The following TMEM176B variants were observed in gnomAD, a reference collection of about 807,000 sequenced individuals.
TMEM176B encodes transmembrane protein 176B.
In TMEM176B, 28 loss-of-function variants were observed where a neutral mutation model predicts 30.3. The observed-to-expected ratio is 0.92, with a 90% CI of 0.68 to 1.27. The LOEUF (loss-of-function observed/expected upper bound fraction) is 1.27, where lower values mean the gene tolerates loss of function less well. TMEM176B is among the 50% of genes most tolerant of loss of function. The pLI is 0.00. For synonymous variants in TMEM176B, 123 were observed against 130.3 expected, an observed-to-expected ratio of 0.94 and a Z score of 0.38; for missense variants, 349 against 327.4, an observed-to-expected ratio of 1.07 and a Z score of -0.51.
intron 1 of TMEM176B, among the ~76,000 whole-genome samples, chr7:150,799,747 C>T (rs1156938339): frequency 1.3e-5 from 2 of 152,232 alleles, no homozygotes; most frequent in Non-Finnish European, 2.9e-5. Flanking sequence ...CCTGAGGGCA[C>T]CTCGGGTTCC....
At chr7:150,792,198 G>C (rs778172574) in intron 5 of TMEM176B, 23 bp from the exon 6 acceptor site, 2 of 1,611,368 alleles carry the variant, frequency 1.2e-6, no homozygotes. Context: ...GAAGAACAAA[G>C]ATAGTCAGGT....
At chr7:150,796,045 T>C (rs149080648) in intron 2 of TMEM176B, among the ~76,000 whole-genome samples, 10 of 152,296 alleles carry the variant, frequency 6.6e-5, no homozygotes, top group Non-Finnish European at 1.5e-4. Context: ...TGAAACCAGC[T>C]TTATCTACAG....
chr7:150,798,429 T>C (rs1297555213), intron 1 of TMEM176B, among the ~76,000 whole-genome samples: 6 of 152,108 alleles, frequency 3.9e-5, no homozygotes, highest in Admixed American at 6.5e-5. Flanking sequence ...GCGCCCGCCA[T>C]CAAGCCCAGC....
intron 1 of TMEM176B, among the ~76,000 whole-genome samples, chr7:150,799,350 A>G (rs1798666935): frequency 6.6e-6 from 1 of 152,226 alleles, no homozygotes; most frequent in South Asian, 2.1e-4. Context: ...TTTAACATGG[A>G]GCTTAATGCT....
At chr7:150,798,517 C>T (rs1352820476) in intron 1 of TMEM176B, among the ~76,000 whole-genome samples, 1 of 152,142 alleles carries the variant, frequency 6.6e-6, no homozygotes, top group Non-Finnish European at 1.5e-5. Flanking sequence ...CCTCATGATC[C>T]GCCCGCCTCG....
At chr7:150,796,067 G>T (rs1419510506) in intron 2 of TMEM176B, among the ~76,000 whole-genome samples, 1 of 152,158 alleles carries the variant, frequency 6.6e-6, no homozygotes, top group Non-Finnish European at 1.5e-5. Flanking sequence ...TTCTGACCTT[G>T]CTACAACTCT....
intron 4 of TMEM176B, 107 bp from the exon 5 acceptor site, chr7:150,793,422 C>T: frequency 6.6e-7 from 1 of 1,503,938 alleles, no homozygotes; most frequent in Non-Finnish European, 9.1e-7. Flanking sequence ...TCCAGGAAAC[C>T]CTCTCCTCCC....
At chr7:150,796,176 T>C (rs991618344) in intron 2 of TMEM176B, among the ~76,000 whole-genome samples, 190 bp downstream of exon 2, 2 of 152,196 alleles carry the variant, frequency 1.3e-5, no homozygotes, top group African/African-American at 4.8e-5. Context: ...CATTTCTCCT[T>C]TTTATAAGCC....
chr7:150,800,394 G>C (rs1031247508), upstream of TMEM176B: 3 of 152,198 alleles, frequency 2.0e-5, no homozygotes, highest in African/African-American at 7.2e-5. Flanking sequence ...ATGCACGGGT[G>C]GGGGCTGCGG....
intron 5 of TMEM176B, 147 bp from the exon 6 acceptor site, chr7:150,792,322 T>G: frequency 9.3e-7 from 1 of 1,076,194 alleles, no homozygotes; most frequent in Non-Finnish European, 1.3e-6. Context: ...ACAGCTTCCA[T>G]CCCGTTGGCT....
intron 2 of TMEM176B, among the ~76,000 whole-genome samples, chr7:150,794,727 G>T (rs935568576): frequency 6.6e-6 from 1 of 151,906 alleles, no homozygotes; most frequent in African/African-American, 2.4e-5. Context: ...CAGCCTGATG[G>T]TTCCTCCTGC....
At chr7:150,796,667 T>A in intron 1 of TMEM176B, 93 bp from the exon 2 acceptor site, 1 of 1,289,130 alleles carries the variant, frequency 7.8e-7, no homozygotes. Context: ...AGTGTCTTTG[T>A]CAAGATCCCA....
chr7:150,793,260 ACAG>A lies in TMEM176B; in HGVS notation c.425_427del (p.Ala142del). 1 of 1,614,232 alleles carries A rather than the reference ACAG, an allele frequency of 6.2e-7. No individual in the cohort carries two copies. The highest frequency in any genetic ancestry group is 1.1e-5 in the South Asian group (1 of 91,086). ...GATGAAGCTATTCACGCAGAGGACA[ACAG>A]CAGCCATAGCTGTAGCAAAGCCTGC... On this transcript the variant is annotated inframe_deletion, in exon 5 of 7. Transcript: ENST00000326442.
intron 5 of TMEM176B, 42 bp from the exon 6 acceptor site, chr7:150,792,217 C>T: frequency 3.1e-6 from 5 of 1,607,048 alleles, no homozygotes; most frequent in Non-Finnish European, 4.2e-6. Flanking sequence ...GTGTCAGCTA[C>T]TCCAATGCTG....
intron 2 of TMEM176B, 63 bp from the exon 3 acceptor site, chr7:150,794,134 G>C (rs1166810799): frequency 7.4e-7 from 1 of 1,358,476 alleles, no homozygotes; most frequent in Admixed American, 1.9e-5. Context: ...GCTGCCCTGG[G>C]ACCAGCTGCC....
At chr7:150,799,147 G>C (rs915997264) in intron 1 of TMEM176B, among the ~76,000 whole-genome samples, 28 of 152,346 alleles carry the variant, frequency 1.8e-4, no homozygotes, top group African/African-American at 5.8e-4. Flanking sequence ...ACGGATCCAA[G>C]TTCTGTTGCT....
intron 1 of TMEM176B, chr7:150,796,811 C>G: frequency 4.1e-6 from 2 of 482,372 alleles, no homozygotes; most frequent in South Asian, 4.2e-5. Context: ...ATACAAAAAT[C>G]CGCACGGTGG....
At chr7:150,796,131 A>T (rs1333619351) in intron 2 of TMEM176B, among the ~76,000 whole-genome samples, 1 of 152,150 alleles carries the variant, frequency 6.6e-6, no homozygotes, top group Non-Finnish European at 1.5e-5. Flanking sequence ...CCAGCTCCCC[A>T]AAACCTATGA....
intron 1 of TMEM176B, chr7:150,796,879 G>C (rs1798550373): frequency 1.3e-5 from 4 of 312,224 alleles, no homozygotes; most frequent in Non-Finnish European, 2.4e-5. Flanking sequence ...ACTTCAACCT[G>C]GGAGGCTGAG....
Sources: allele counts gnomAD v4.1 joint callset (sites outside exome capture counted in the v4.1 genomes callset), GRCh38; gene constraint gnomAD v4.1.1; transcripts MANE v1.5; gene names NCBI Gene and HGNC (gene_info 2026-07-23, HGNC 2026-07-21).